PRLR: variants seen among roughly 807,000 people sequenced by gnomAD.
PRLR encodes hPRL receptor.
PRLR carries 13 observed loss-of-function variants against 40.2 expected under a neutral mutation model. The ratio of observed to expected loss-of-function variants is 0.32; its 90% CI spans 0.21 to 0.51. The LOEUF (loss-of-function observed/expected upper bound fraction) is 0.51, where lower values mean the gene tolerates loss of function less well. PRLR is among the 20% of genes least tolerant of loss of function. The pLI, the probability that PRLR is intolerant of heterozygous loss-of-function variation, is 0.97. For missense variants in PRLR, 656 were observed against 747.3 expected, an observed-to-expected ratio of 0.88 and a Z score of 1.42; for synonymous variants, 269 against 278.7, an observed-to-expected ratio of 0.97 and a Z score of 0.35.
At chr5:35,069,909 C>G (rs1256663287) in intron 7 of PRLR, among the ~76,000 whole-genome samples, 3 of 152,226 alleles carry the variant, frequency 2.0e-5, no homozygotes, top group Admixed American at 6.5e-5. Flanking sequence ...AGACCCATGT[C>G]TGTAGCCTTA....
chr5:35,099,429 A>G (rs1411971134), intron 2 of PRLR, among the ~76,000 whole-genome samples: 2 of 152,258 alleles, frequency 1.3e-5, no homozygotes, highest in Non-Finnish European at 2.9e-5. Context: ...ATAAAAGTAG[A>G]GCGCATACAA....
intron 1 of PRLR, among the ~76,000 whole-genome samples, chr5:35,212,502 C>T (rs1561367912): frequency 6.6e-6 from 1 of 152,186 alleles, no homozygotes. Context: ...AAGAGATTAG[C>T]AGTGCTTTAC....
At chr5:35,217,220 C>T (rs144426880) in intron 1 of PRLR, among the ~76,000 whole-genome samples, 8 of 152,196 alleles carry the variant, frequency 5.3e-5, no homozygotes, top group Admixed American at 4.6e-4. Flanking sequence ...CATGCCAACA[C>T]TGGGGGCCTA....
chr5:35,172,639 C>A (rs754981360), intron 1 of PRLR, among the ~76,000 whole-genome samples: 1 of 152,132 alleles, frequency 6.6e-6, no homozygotes, highest in East Asian at 1.9e-4. Context: ...ATTGTCAAGC[C>A]CTTCTCAGTT....
chr5:35,110,571 A>G (rs532128337), intron 2 of PRLR, among the ~76,000 whole-genome samples: 2 of 152,206 alleles, frequency 1.3e-5, no homozygotes, highest in African/African-American at 2.4e-5. Context: ...AATTCTCTCT[A>G]TAGTCCCAAG....
At chr5:35,081,194 A>G (rs1048306267) in intron 5 of PRLR, 26 of 154,072 alleles carry the variant, frequency 1.7e-4, no homozygotes, top group African/African-American at 6.0e-4. Flanking sequence ...GTATAATAAT[A>G]AAAAAAATTT....
At chr5:35,160,101 A>G (rs1774632316) in intron 1 of PRLR, among the ~76,000 whole-genome samples, 1 of 152,210 alleles carries the variant, frequency 6.6e-6, no homozygotes. Context: ...TTACTCTATA[A>G]CAGAGGCAGG....
chr5:35,065,051 A>C lies in PRLR; in HGVS notation c.*38T>G. On this transcript the variant is annotated 3_prime_UTR_variant, in exon 10 of 10. Transcript: ENST00000618457. ...GTACTCTGTAGTGTTACCTGAAGAAAAATCACATTTTAACCAATCATTCCA... is the reference window on the plus strand; with the variant it reads ...GTACTCTGTAGTGTTACCTGAAGAACAATCACATTTTAACCAATCATTCCA... 6.3e-7 allele frequency: 1 copy of C among 1,576,400 alleles called. No individual in the cohort carries two copies. Among genetic ancestry groups the C allele is most frequent in the South Asian group, 1.2e-5 (1 of 83,960 alleles).
intron 2 of PRLR, among the ~76,000 whole-genome samples, chr5:35,108,457 T>C (rs780131705): frequency 6.0e-4 from 91 of 152,168 alleles, no homozygotes; most frequent in Non-Finnish European, 9.6e-4. Flanking sequence ...GATGACATGA[T>C]TGCACCTTTA....
At chr5:35,103,364 A>T (rs1772019777) in intron 2 of PRLR, among the ~76,000 whole-genome samples, 2 of 152,072 alleles carry the variant, frequency 1.3e-5, no homozygotes, top group African/African-American at 4.8e-5. Context: ...GGTACAGCTA[A>T]CTCCCCGTTG....
chr5:35,110,455 T>C (rs1382149295), intron 2 of PRLR, among the ~76,000 whole-genome samples: 1 of 152,146 alleles, frequency 6.6e-6, no homozygotes, highest in Non-Finnish European at 1.5e-5. Flanking sequence ...AATTCCTTAT[T>C]AAGCATCTTT....
At chr5:35,223,209 A>G (rs1057192925) in intron 1 of PRLR, among the ~76,000 whole-genome samples, 2 of 152,268 alleles carry the variant, frequency 1.3e-5, no homozygotes, top group Non-Finnish European at 2.9e-5. Context: ...ATCTCCTTTA[A>G]AAGATTACTT....
chr5:35,204,230 A>T (rs539320107), intron 1 of PRLR, among the ~76,000 whole-genome samples: 2 of 150,092 alleles, frequency 1.3e-5, no homozygotes, highest in South Asian at 4.2e-4. Flanking sequence ...AAAAAATAAT[A>T]AATAAAATGA....
chr5:35,196,979 C>T (rs957206203), intron 1 of PRLR, among the ~76,000 whole-genome samples: 11 of 152,040 alleles, frequency 7.2e-5, no homozygotes, highest in Admixed American at 1.3e-4. Flanking sequence ...CTTTTGTAAG[C>T]GCACTAATCT....
Position 35,072,745 on chromosome 5 carries a change from C to T in PRLR, c.374-1G>A. 1.9e-6 allele frequency: 3 copies of T among 1,613,738 alleles called. No homozygotes were observed. Among genetic ancestry groups the T allele is most frequent in the Non-Finnish European group, 2.5e-6 (3 of 1,179,888 alleles). On this transcript the variant is annotated splice_acceptor_variant, in intron 5 of 9. Coordinates refer to ENST00000618457, the MANE Select transcript of PRLR (RefSeq NM_000949.7). LOFTEE classifies it high-confidence loss of function. ...AGCTCCAAAGGAGGGTCTGGCTGAA[C>T]TGCAGAAATACAGCAAATGCCAGTA...
chr5:35,228,099 AGAGT>A (rs1367060511), intron 1 of PRLR, among the ~76,000 whole-genome samples: 13 of 152,120 alleles, frequency 8.5e-5, no homozygotes, highest in African/African-American at 2.9e-4. Context: ...TAGGAGAGAG[AGAGT>A]AAGCTGTTCT....
chr5:35,209,568 A>C (rs1361724140), intron 1 of PRLR, among the ~76,000 whole-genome samples: 1 of 152,236 alleles, frequency 6.6e-6, no homozygotes, highest in Non-Finnish European at 1.5e-5. Flanking sequence ...TGAAATACCA[A>C]GTAGATGTTA....
At chr5:35,228,753 G>C (rs1228246736) in intron 1 of PRLR, among the ~76,000 whole-genome samples, 1 of 152,142 alleles carries the variant, frequency 6.6e-6, no homozygotes, top group East Asian at 1.9e-4. Context: ...CCATGACAGG[G>C]GAGCTGTCTC....
Position 35,221,643 on chromosome 5 carries a change from TA to T in PRLR, c.-106+8624del, listed in dbSNP as rs537917627. On this transcript the variant is annotated intron_variant, in intron 1 of 9. Transcript: ENST00000618457. The stretch of plus-strand genomic sequence containing the variant: ...CATTATAAACCTGGAGAACTGTAAA[TA>T]AATACGAATGTCCAGGCCCCTTCCC... Among the ~76,000 whole-genome samples the T allele has an allele frequency of 4.7e-3, 714 of 152,292 alleles. 6 individuals carry two copies. The highest frequency in any genetic ancestry group is 4.9e-3 in the Non-Finnish European group (334 of 68,020).
Sources: gnomAD v4.1 joint callset for allele counts (sites outside exome capture counted in the v4.1 genomes callset) on GRCh38, gnomAD v4.1.1 for gene constraint, MANE v1.5 for transcripts, NCBI Gene and HGNC (gene_info 2026-07-23, HGNC 2026-07-21) for gene names.